SNTG2: variants seen among roughly 807,000 people sequenced by gnomAD.
SNTG2 encodes the protein syntrophin gamma 2.
SNTG2 carries 74 observed loss-of-function variants against 70.9 expected under a neutral mutation model. That is an observed-to-expected ratio of 1.04 (90% CI 0.86 to 1.27). SNTG2 has a LOEUF of 1.27. SNTG2 is among the 50% of genes most tolerant of loss of function. The pLI, the probability that SNTG2 is intolerant of heterozygous loss-of-function variation, is 0.00. For missense variants in SNTG2, 717 were observed against 690.7 expected, an observed-to-expected ratio of 1.04 and a Z score of -0.43; for synonymous variants, 278 against 273.8, an observed-to-expected ratio of 1.02 and a Z score of -0.15.
chr2:1,307,608 A>G (rs138194427), intron 14 of SNTG2, among the ~76,000 whole-genome samples: 29 of 152,270 alleles, frequency 1.9e-4, no homozygotes, highest in African/African-American at 6.5e-4. Flanking sequence ...GCTCAAAGCA[A>G]TGGCTCCGCT....
intron 1 of SNTG2, among the ~76,000 whole-genome samples, chr2:1,010,306 T>C (rs960034638): frequency 6.6e-6 from 1 of 152,130 alleles, no homozygotes; most frequent in Admixed American, 6.5e-5. Flanking sequence ...ACTGAGGGAA[T>C]AGATAACATA....
At chr2:1,105,461 C>G (rs558171312) in intron 4 of SNTG2, among the ~76,000 whole-genome samples, 1 of 152,178 alleles carries the variant, frequency 6.6e-6, no homozygotes, top group South Asian at 2.1e-4. Context: ...GGTGTGTGCA[C>G]CCGCCAAGGC....
In SNTG2 at chr2:1,353,952, C is replaced by T. The variant is rs919789027; in HGVS notation, c.1489-13391C>T. On this transcript the variant is annotated intron_variant, in intron 16 of 16. Coordinates refer to ENST00000308624, the MANE Select transcript of SNTG2 (RefSeq NM_018968.4). The surrounding 1 kb of genome is among the most constrained non-coding windows in gnomAD (Gnocchi z 4.2). Reference sequence around the variant, plus strand: ...CGCGTAAAGAGTGGGAAAGAAAAAACGTTTTCTCCGGTGATGGGTGACCTC... The same window carrying T: ...CGCGTAAAGAGTGGGAAAGAAAAAATGTTTTCTCCGGTGATGGGTGACCTC... The T allele has an allele frequency of 3.9e-5, 6 of 152,128 alleles. No individual in the cohort carries two copies. Among genetic ancestry groups the T allele is most frequent in the Non-Finnish European group, 8.8e-5 (6 of 68,034 alleles). 9.4% of individuals were successfully genotyped at this position (152,128 alleles called of 1,614,324 possible). A position where few individuals can be genotyped will look rare whatever the true frequency, so the allele number is the denominator to read the frequency against.
chr2:1,275,297 CTTT>C (rs1679223400), intron 14 of SNTG2, among the ~76,000 whole-genome samples: 1 of 152,178 alleles, frequency 6.6e-6, no homozygotes, highest in Non-Finnish European at 1.5e-5. Context: ...TGAAGATACT[CTTT>C]TTATTATTTA....
intron 6 of SNTG2, among the ~76,000 whole-genome samples, chr2:1,161,905 T>A (rs1270776726): frequency 6.6e-6 from 1 of 151,822 alleles, no homozygotes; most frequent in Admixed American, 6.6e-5. Context: ...AAACCCCGTC[T>A]CTACTAAAAA....
intron 6 of SNTG2, among the ~76,000 whole-genome samples, chr2:1,148,718 G>A (rs1020606411): frequency 2.0e-5 from 3 of 152,228 alleles, no homozygotes; most frequent in African/African-American, 7.2e-5. Flanking sequence ...ATGTGGAGGG[G>A]TTGCTCTCTT....
chr2:1,258,598 A>T (rs973903369), intron 12 of SNTG2, among the ~76,000 whole-genome samples: 1 of 152,240 alleles, frequency 6.6e-6, no homozygotes, highest in African/African-American at 2.4e-5. Context: ...TTTCAAAGAC[A>T]TAATTCCGTG....
intron 11 of SNTG2, among the ~76,000 whole-genome samples, chr2:1,243,168 A>G (rs1168815560): frequency 6.6e-6 from 1 of 152,220 alleles, no homozygotes; most frequent in Non-Finnish European, 1.5e-5. Context: ...GCGGTCTATT[A>G]TTGCCATCTT....
chr2:957,710 T>TACTGAGACTGAG lies in SNTG2; in HGVS notation c.72+6657_72+6668dup, dbSNP rs59010729. Among the ~76,000 whole-genome samples the TACTGAGACTGAG allele has an allele frequency of 3.5e-3, 532 of 151,974 alleles. 3 individuals carry two copies. The highest frequency in any genetic ancestry group is 0.012 in the African/African-American group (487 of 41,444). ...TCCGGCACATGGAAGGCGAGACTGGTACTGAGACTGAGACTGAGACTGAGA... is the reference window on the plus strand; with the variant it reads ...TCCGGCACATGGAAGGCGAGACTGGTACTGAGACTGAGACTGAGACTGAGACTGAGACTGAGA... On this transcript the variant is annotated intron_variant, in intron 1 of 16. Transcript: ENST00000308624.
chr2:1,308,400 T>C, intron 14 of SNTG2, 94 bp from the exon 15 acceptor site: 1 of 1,187,540 alleles, frequency 8.4e-7, no homozygotes, highest in Non-Finnish European at 1.2e-6. Context: ...ATTTTATAAT[T>C]TTTGACCAAA....
chr2:992,902 G>A (rs1475264050), intron 1 of SNTG2, among the ~76,000 whole-genome samples: 1 of 151,984 alleles, frequency 6.6e-6, no homozygotes, highest in Non-Finnish European at 1.5e-5. Context: ...TCCAATTTAA[G>A]AACTCTTTAG....
At chr2:953,672 C>G (rs1237444033) in intron 1 of SNTG2, among the ~76,000 whole-genome samples, 1 of 152,198 alleles carries the variant, frequency 6.6e-6, no homozygotes, top group African/African-American at 2.4e-5. Flanking sequence ...CCATGCATTA[C>G]AAAGCAGGCA....
At chr2:976,592 G>A (rs1660912358) in intron 1 of SNTG2, among the ~76,000 whole-genome samples, 2 of 152,140 alleles carry the variant, frequency 1.3e-5, no homozygotes, top group African/African-American at 4.8e-5. Context: ...CGGGGGCTCT[G>A]GTGCTCTTCA....
rs1426704516 is a variant in SNTG2 at position 950,951 on chromosome 2, T to A, written c.-46T>A. The A allele has an allele frequency of 1.9e-6, 2 of 1,075,962 alleles. No individual in the cohort carries two copies. Among genetic ancestry groups the A allele is most frequent in the East Asian group, 3.5e-5 (1 of 28,440 alleles). 66.7% of individuals were successfully genotyped at this position (1,075,962 alleles called of 1,614,324 possible). On this transcript the variant is annotated 5_prime_UTR_variant, in exon 1 of 17. The change creates a new upstream start codon in the 5' untranslated region. Transcript: ENST00000308624. ...GGGAGGCTCGGACGGGGTCCTGGCGTTGAGCTCGGCCGGCCCGGAGCGCGG... is the reference window on the plus strand; with the variant it reads ...GGGAGGCTCGGACGGGGTCCTGGCGATGAGCTCGGCCGGCCCGGAGCGCGG...
intron 9 of SNTG2, among the ~76,000 whole-genome samples, chr2:1,233,467 C>T (rs933440465): frequency 2.6e-5 from 4 of 152,128 alleles, no homozygotes; most frequent in Admixed American, 6.5e-5. Context: ...AAGACCGCAG[C>T]GAAGGCAGGC....
chr2:1,301,230 C>T (rs1680444071), intron 14 of SNTG2, among the ~76,000 whole-genome samples: 1 of 152,060 alleles, frequency 6.6e-6, no homozygotes, highest in Admixed American at 6.5e-5. Context: ...GGGCACCTTA[C>T]TTAGTTTGAG....
At chr2:1,005,429 C>T (rs751836993) in intron 1 of SNTG2, among the ~76,000 whole-genome samples, 19 of 151,832 alleles carry the variant, frequency 1.3e-4, no homozygotes, top group East Asian at 7.7e-4. Context: ...GGTGGGGGTA[C>T]GTGAATTCTC....
At chr2:1,074,115 A>G (rs928341266) in intron 1 of SNTG2, among the ~76,000 whole-genome samples, 5 of 152,182 alleles carry the variant, frequency 3.3e-5, no homozygotes, top group African/African-American at 1.2e-4. Flanking sequence ...AGCCAGGTGG[A>G]AAGGACCAGG....
intron 1 of SNTG2, among the ~76,000 whole-genome samples, chr2:973,952 A>G (rs935532634): frequency 6.6e-6 from 1 of 152,166 alleles, no homozygotes; most frequent in Non-Finnish European, 1.5e-5. Flanking sequence ...TACACACTTG[A>G]ACATCCAAAT....
Sources: gnomAD v4.1 joint callset for allele counts (sites outside exome capture counted in the v4.1 genomes callset) on GRCh38, gnomAD v4.1.1 for gene constraint, Gnocchi (gnomAD v3.1) non-coding constraint, MANE v1.5 for transcripts, NCBI Gene and HGNC (gene_info 2026-07-23, HGNC 2026-07-21) for gene names.